The following NRXN3 variants were observed in gnomAD, a reference collection of about 807,000 sequenced individuals.
NRXN3 encodes neurexin III.
Under a neutral mutation model 137.6 loss-of-function variants are expected in NRXN3, and 32 were observed. The ratio of observed to expected loss-of-function variants is 0.23; its 90% CI spans 0.18 to 0.31. The LOEUF is 0.31. Among genes scored for constraint, NRXN3 ranks in the 10% least tolerant of loss-of-function variants. The pLI is 1.00. For synonymous variants in NRXN3, 798 were observed against 784.5 expected, an observed-to-expected ratio of 1.02 and a Z score of -0.29; for missense variants, 1,574 against 2,062.5, an observed-to-expected ratio of 0.76 and a Z score of 4.59.
chr14:78,694,723 T>A (rs2152781989), intron 6 of NRXN3, among the ~76,000 whole-genome samples: 1 of 152,052 alleles, frequency 6.6e-6, no homozygotes, highest in Middle Eastern at 3.4e-3. Context: ...ACTGGATGCA[T>A]CCTAGGAGTG....
intron 10 of NRXN3, among the ~76,000 whole-genome samples, chr14:78,896,212 A>C (rs1366977415): frequency 6.6e-6 from 1 of 151,920 alleles, no homozygotes; most frequent in Non-Finnish European, 1.5e-5. Flanking sequence ...TTCTTTGAAG[A>C]GGCTTTTAAA....
chr14:78,391,470 A>C lies in NRXN3; in HGVS notation c.757+93610A>C, dbSNP rs532984171. Among the ~76,000 whole-genome samples the C allele has an allele frequency of 3.9e-5, 6 of 152,202 alleles. No individual in the cohort carries two copies. In the East Asian group the frequency reaches 1.2e-3, roughly 29 times the overall value. On this transcript the variant is annotated intron_variant, in intron 4 of 20. Coordinates refer to ENST00000335750, the MANE Select transcript of NRXN3 (RefSeq NM_001330195.2). ...AACCATATCTCTCTAAGGATAGACC[A>C]TTTCCCACAGAGACCACTCACTCAA... is the stretch of plus-strand genomic sequence containing the variant.
intron 19 of NRXN3, among the ~76,000 whole-genome samples, chr14:79,733,170 C>A (rs2098929984): frequency 2.0e-5 from 3 of 152,120 alleles, no homozygotes; most frequent in African/African-American, 7.2e-5. Context: ...TGACAGACTC[C>A]ATATTCATAA....
intron 7 of NRXN3, among the ~76,000 whole-genome samples, chr14:78,714,329 C>A (rs2098422125): frequency 6.6e-6 from 1 of 152,188 alleles, no homozygotes; most frequent in Non-Finnish European, 1.5e-5. Context: ...TCACACCAAC[C>A]TATGAGGTGG....
At chr14:78,521,824 G>A (rs1314753104) in intron 4 of NRXN3, among the ~76,000 whole-genome samples, 2 of 151,956 alleles carry the variant, frequency 1.3e-5, no homozygotes, top group Non-Finnish European at 2.9e-5. Flanking sequence ...ATGTTTTTGG[G>A]GGTTAACAAA....
intron 20 of NRXN3, among the ~76,000 whole-genome samples, chr14:79,834,736 G>C (rs926271800): frequency 6.6e-6 from 1 of 152,098 alleles, no homozygotes; most frequent in Non-Finnish European, 1.5e-5. Context: ...TACTTTAACA[G>C]AACTTGCAGC....
At chr14:78,271,290 A>G (rs540701614) in intron 2 of NRXN3, among the ~76,000 whole-genome samples, 5 of 152,284 alleles carry the variant, frequency 3.3e-5, no homozygotes, top group Admixed American at 6.5e-5. Context: ...GCACAGCAAA[A>G]TGACTTTTAG....
At chr14:78,222,317 GGC>G (rs71452891) in intron 1 of NRXN3, among the ~76,000 whole-genome samples, 22,641 of 146,000 alleles carry the variant, frequency 0.16, 1,941 homozygotes, top group Middle Eastern at 0.22. Flanking sequence ...AGGAATAAAG[GGC>G]ACACACACAC....
chr14:78,568,926 T>C (rs1489905727), intron 4 of NRXN3, among the ~76,000 whole-genome samples: 1 of 151,484 alleles, frequency 6.6e-6, no homozygotes, highest in Non-Finnish European at 1.5e-5. Context: ...AGAATCTGAT[T>C]CAGCAGGTCT....
At chr14:78,857,818 C>T (rs113589632) in intron 10 of NRXN3, among the ~76,000 whole-genome samples, 1,900 of 152,022 alleles carry the variant, frequency 0.012, 23 homozygotes, top group Middle Eastern at 0.051. Flanking sequence ...GTGGGGAAAA[C>T]AATCAAAGAA....
chr14:78,884,405 T>C (rs958060001), intron 10 of NRXN3, among the ~76,000 whole-genome samples: 3 of 152,194 alleles, frequency 2.0e-5, no homozygotes, highest in Non-Finnish European at 4.4e-5. Context: ...GAACTTTGTT[T>C]GCACTCCTGC....
At position 78,803,843 on chromosome 14, in the gene NRXN3, C is replaced by T. The variant is rs1348852944; in HGVS notation, c.2248+20C>T. ...ACTTAGGTATCGTATGAAGTACCCTCTGCCACTTCGTTTGGGCTTGTCTTC... is the reference window on the plus strand; with the variant it reads ...ACTTAGGTATCGTATGAAGTACCCTTTGCCACTTCGTTTGGGCTTGTCTTC... On this transcript the variant is annotated intron_variant, in intron 9 of 20. Coordinates refer to ENST00000335750, the MANE Select transcript of NRXN3 (RefSeq NM_001330195.2). 2 of 1,602,378 alleles carry T rather than the reference C, an allele frequency of 1.2e-6. No individual in the cohort carries two copies. Among genetic ancestry groups the T allele is most frequent in the Admixed American group, 1.7e-5 (1 of 59,968 alleles).
At chr14:79,823,554 C>A (rs2099279325) in intron 20 of NRXN3, among the ~76,000 whole-genome samples, 1 of 151,832 alleles carries the variant, frequency 6.6e-6, no homozygotes, top group Non-Finnish European at 1.5e-5. Flanking sequence ...CCAGCCTGGG[C>A]AACAGAGCAA....
chr14:79,447,209 G>C (rs2096075620), intron 15 of NRXN3, among the ~76,000 whole-genome samples: 1 of 152,048 alleles, frequency 6.6e-6, no homozygotes, highest in East Asian at 1.9e-4. Flanking sequence ...TTCAGGATAA[G>C]AAAAAAGGAG....
intron 14 of NRXN3, among the ~76,000 whole-genome samples, chr14:78,971,718 C>T (rs1247787198): frequency 6.6e-6 from 1 of 152,206 alleles, no homozygotes; most frequent in East Asian, 1.9e-4. Context: ...TCACTGCAAC[C>T]TCCACCTCCC....
chr14:78,291,721 C>T (rs2075822014), intron 3 of NRXN3, among the ~76,000 whole-genome samples: 1 of 152,044 alleles, frequency 6.6e-6, no homozygotes. Flanking sequence ...TTTAAAAAGT[C>T]CTTGTGGCTT....
At chr14:79,484,040 G>A (rs1174778204) in intron 16 of NRXN3, among the ~76,000 whole-genome samples, 1 of 152,140 alleles carries the variant, frequency 6.6e-6, no homozygotes, top group African/African-American at 2.4e-5. Flanking sequence ...CTCCTAGGGA[G>A]ACTTTCTGTT....
At chr14:78,800,786 T>C (rs142605423) in intron 8 of NRXN3, among the ~76,000 whole-genome samples, 17 of 152,342 alleles carry the variant, frequency 1.1e-4, no homozygotes, top group Non-Finnish European at 1.5e-4. Flanking sequence ...CACTTCTTTC[T>C]AGATATGAGG....
In NRXN3 at chr14:79,861,358, T is replaced by G; in HGVS notation, c.4110T>G (p.Thr1370=). ...TGGTAACAGATAAGAGTCTTTCCAC[T>G]TCAATCTTCGAAGGTGGCTACAAAG... is the stretch of plus-strand genomic sequence containing the variant. The part of the protein sequence containing the change: ...CEPSTDKSLS[T]SIFEGGYKAH... The change falls in exon 21 of 21, where the codon ACT becomes ACG. Residue 1370 remains threonine (T), a synonymous_variant. Coordinates refer to ENST00000335750, the MANE Select transcript of NRXN3 (RefSeq NM_001330195.2). This position sits in a 1 kb window ranked among gnomAD's most constrained non-coding sequence, Gnocchi z 5.4. 1 of 1,536,132 alleles carries G rather than the reference T, an allele frequency of 6.5e-7. No individual in the cohort carries two copies. The highest frequency in any genetic ancestry group is 8.7e-7 in the Non-Finnish European group (1 of 1,146,918).
Sources: allele counts gnomAD v4.1 joint callset (sites outside exome capture counted in the v4.1 genomes callset), GRCh38; gene constraint gnomAD v4.1.1; non-coding constraint Gnocchi (gnomAD v3.1); transcripts MANE v1.5; gene names NCBI Gene and HGNC (gene_info 2026-07-23, HGNC 2026-07-21).